Variants in UVRAG observed in about 807,000 individuals in gnomAD.
UVRAG encodes UV radiation resistance associated, also known as UV radiation resistance-associated gene protein.
A neutral mutation model predicts 78.0 loss-of-function variants in UVRAG; 19 were observed. The observed-to-expected ratio is 0.24, with a 90% CI of 0.17 to 0.36. The LOEUF (loss-of-function observed/expected upper bound fraction) is 0.36. UVRAG is among the 10% of genes least tolerant of loss of function. UVRAG has a pLI of 1.00. For missense variants in UVRAG, 740 were observed against 853.8 expected (o/e 0.87, Z 1.66); for synonymous variants, 323 against 324.6 (o/e 1.00, Z 0.05).
chr11:75,815,230 G>A lies in UVRAG; in HGVS notation c.-178G>A, dbSNP rs1945230001. The stretch of plus-strand genomic sequence containing the variant: ...ACTGCGGTAATATGGCTCTTCCTTA[G>A]CCAGCGGCGGCAACGGCGGCAGCGG... On this transcript the variant is annotated 5_prime_UTR_variant, in exon 1 of 15. It removes the in-frame stop codon of an upstream open reading frame in the 5' UTR. Coordinates refer to ENST00000356136, the MANE Select transcript of UVRAG (RefSeq NM_003369.4). The A allele has an allele frequency of 4.5e-6, 2 of 448,444 alleles. No individual in the cohort carries two copies. Among genetic ancestry groups the A allele is most frequent in the East Asian group, 3.5e-5 (1 of 28,394 alleles). 27.8% of individuals were successfully genotyped at this position (448,444 alleles called of 1,614,324 possible). A position where few individuals can be genotyped will look rare whatever the true frequency, so the allele number is the denominator to read the frequency against.
At chr11:75,942,403 TG>T (rs1300622743) in intron 6 of UVRAG, 1 of 152,458 alleles carries the variant, frequency 6.6e-6, no homozygotes, top group Non-Finnish European at 1.5e-5. Context: ...CTGAAGTCCA[TG>T]GTGGAAGCTT....
intron 13 of UVRAG, among the ~76,000 whole-genome samples, chr11:76,077,976 GA>G (rs1238731826): frequency 2.6e-5 from 4 of 152,174 alleles, no homozygotes; most frequent in African/African-American, 9.7e-5. Context: ...GCACCACCAT[GA>G]GTGACATCTT....
intron 8 of UVRAG, among the ~76,000 whole-genome samples, chr11:76,003,696 G>T (rs925403289): frequency 2.0e-5 from 3 of 152,084 alleles, no homozygotes; most frequent in Non-Finnish European, 4.4e-5. Flanking sequence ...TTTTTTTAAA[G>T]TGAAGTCTGA....
chr11:75,984,024 C>T (rs555120635), intron 8 of UVRAG, among the ~76,000 whole-genome samples: 50 of 152,182 alleles, frequency 3.3e-4, no homozygotes, highest in Non-Finnish European at 6.0e-4. Flanking sequence ...GTATTCAAAT[C>T]GTCCCGGACT....
At chr11:75,888,802 A>G (rs202232308) in intron 4 of UVRAG, 27 bp from the exon 5 acceptor site, 1 of 1,585,558 alleles carries the variant, frequency 6.3e-7, no homozygotes, top group East Asian at 2.2e-5. Context: ...TAAAAATAAC[A>G]AATACTGTAT....
At chr11:75,887,993 G>A (rs1467296785) in intron 4 of UVRAG, among the ~76,000 whole-genome samples, 1 of 152,152 alleles carries the variant, frequency 6.6e-6, no homozygotes, top group Non-Finnish European at 1.5e-5. Context: ...GACAATAATA[G>A]AAGAGAGTGG....
At chr11:76,018,865 A>G (rs558353481) in intron 12 of UVRAG, among the ~76,000 whole-genome samples, 46 of 152,134 alleles carry the variant, frequency 3.0e-4, no homozygotes, top group African/African-American at 1.0e-3. Context: ...ACCTTCTTGT[A>G]CTTGAATATT....
intron 6 of UVRAG, among the ~76,000 whole-genome samples, chr11:75,923,586 T>C (rs1272659633): frequency 1.3e-5 from 2 of 152,220 alleles, no homozygotes; most frequent in African/African-American, 2.4e-5. Context: ...CTGAAACAGA[T>C]TAAATAATTT....
In UVRAG at chr11:75,927,070, A is replaced by ATT. The variant is rs534709272; in HGVS notation, c.593+15047_593+15048dup. On this transcript the variant is annotated intron_variant, in intron 6 of 14. Transcript: ENST00000356136. ...CCTAAGGTTGCATTATGGCAAAGGC[A>ATT]TTTTTTTTTTTTTTTTTGAGATGAA... Among the ~76,000 whole-genome samples the ATT allele has an allele frequency of 4.6e-3, 635 of 137,382 alleles. 7 individuals are homozygous for ATT. Among genetic ancestry groups the ATT allele is most frequent in the African/African-American group, 0.016 (585 of 37,116 alleles). The allele number at this position is 137,382 out of a possible 152,430, so 90.1% of individuals were successfully genotyped here.
intron 5 of UVRAG, among the ~76,000 whole-genome samples, chr11:75,908,565 T>G (rs1032255434): frequency 1.3e-5 from 2 of 152,164 alleles, no homozygotes; most frequent in African/African-American, 4.8e-5. Flanking sequence ...TCTTGTGACA[T>G]TTTGTCTGGC....
At chr11:76,115,848 A>G (rs1462342069) in intron 13 of UVRAG, 76 bp from the exon 14 acceptor site, 4 of 1,315,124 alleles carry the variant, frequency 3.0e-6, no homozygotes, top group Non-Finnish European at 4.3e-6. Flanking sequence ...CAAAAAAATA[A>G]CTTGTTTAGT....
At chr11:75,980,828 C>T (rs1021618168) in intron 7 of UVRAG, among the ~76,000 whole-genome samples, 2 of 151,620 alleles carry the variant, frequency 1.3e-5, no homozygotes, top group African/African-American at 4.9e-5. Flanking sequence ...ATTACAGGTG[C>T]CTGCCACCAT....
chr11:75,916,424 T>C (rs963612774), intron 6 of UVRAG: 1 of 152,262 alleles, frequency 6.6e-6, no homozygotes, highest in African/African-American at 2.4e-5. Flanking sequence ...AGTTTTCTTC[T>C]TCCTCTTTAC....
At chr11:76,027,403 G>GTTT (rs1017228266) in intron 12 of UVRAG, among the ~76,000 whole-genome samples, 3 of 152,022 alleles carry the variant, frequency 2.0e-5, no homozygotes, top group African/African-American at 7.2e-5. Flanking sequence ...TTCGACATTT[G>GTTT]TTTTTTCTCT....
At chr11:76,101,393 G>A (rs1436032571) in intron 13 of UVRAG, among the ~76,000 whole-genome samples, 1 of 151,590 alleles carries the variant, frequency 6.6e-6, no homozygotes, top group Non-Finnish European at 1.5e-5. Context: ...GTATACTTTT[G>A]AACAGACACT....
chr11:76,139,839 T>G (rs1243590417), intron 14 of UVRAG, among the ~76,000 whole-genome samples: 1 of 152,136 alleles, frequency 6.6e-6, no homozygotes, highest in Non-Finnish European at 1.5e-5. Context: ...ATAAAGTTTG[T>G]ATAACTGAAC....
intron 7 of UVRAG, among the ~76,000 whole-genome samples, chr11:75,978,449 A>T (rs1403468873): frequency 6.6e-6 from 1 of 152,200 alleles, no homozygotes; most frequent in Non-Finnish European, 1.5e-5. Context: ...CCTGGATAAT[A>T]TCCTGCAGAG....
At chr11:76,135,827 G>A in intron 14 of UVRAG, among the ~76,000 whole-genome samples, 1 of 152,292 alleles carries the variant, frequency 6.6e-6, no homozygotes, top group Non-Finnish European at 1.5e-5. Flanking sequence ...GGGCCCCTTG[G>A]TGGGAGCAGA....
chr11:76,102,937 C>T (rs1014692477), intron 13 of UVRAG, among the ~76,000 whole-genome samples: 1 of 152,138 alleles, frequency 6.6e-6, no homozygotes, highest in African/African-American at 2.4e-5. Context: ...TCTGGAGTTT[C>T]TTGGCAATAA....
Sources: allele counts gnomAD v4.1 joint callset (sites outside exome capture counted in the v4.1 genomes callset), GRCh38; gene constraint gnomAD v4.1.1; transcripts MANE v1.5; gene names NCBI Gene and HGNC (gene_info 2026-07-23, HGNC 2026-07-21).